Variants in AGR2 observed in about 807,000 individuals in gnomAD.
The protein encoded by AGR2 is anterior gradient 2, protein disulphide isomerase family member, also known as anterior gradient protein 2 homolog.
A neutral mutation model predicts 25.9 loss-of-function variants in AGR2; 27 were observed. The ratio of observed to expected loss-of-function variants is 1.04; its 90% CI spans 0.77 to 1.44. The LOEUF (loss-of-function observed/expected upper bound fraction) is 1.44, where lower values mean the gene tolerates loss of function less well. Ranked by LOEUF, AGR2 falls within the 40% of genes most tolerant of loss-of-function variation. The probability of loss-of-function intolerance (pLI) is 0.00; values close to 1 mark genes in which losing one functional copy is unlikely to be tolerated. For missense variants in AGR2, 182 were observed against 200.9 expected (o/e 0.91, Z 0.57); for synonymous variants, 78 against 72.0 (o/e 1.08, Z -0.42).
chr7:16,801,428 G>A (rs1785140941), intron 2 of AGR2, 45 bp from the exon 3 acceptor site: 1 of 1,569,406 alleles, frequency 6.4e-7, no homozygotes, highest in Admixed American at 1.7e-5. Context: ...TATAAATTCA[G>A]ACCCAAAGCT....
In AGR2 at chr7:16,801,178, G is replaced by A; in HGVS notation, c.229C>T (p.His77Tyr). ...TSNKPLMIIH[H>Y]LDECPHSQAL... ...TGACTGTGTGGGCACTCATCCAAGT[G>A]ATGAATAATCATCAAGGGTTTGTTG... Residue 77 changes from histidine (H) to tyrosine (Y), a missense_variant, in exon 4 of 8, where the codon CAC becomes TAC. Coordinates refer to ENST00000419304, the MANE Select transcript of AGR2 (RefSeq NM_006408.4). 1 of 1,613,902 alleles carries A rather than the reference G, an allele frequency of 6.2e-7. No homozygotes were observed. The highest frequency in any genetic ancestry group is 1.1e-5 in the South Asian group (1 of 91,068).
At chr7:16,797,837 G>C (rs1457650218) in intron 5 of AGR2, 143 bp from the exon 6 acceptor site, 1 of 616,628 alleles carries the variant, frequency 1.6e-6, no homozygotes, top group African/African-American at 1.8e-5. Flanking sequence ...GTACAGATGA[G>C]GAGACAAGTT....
In AGR2 at chr7:16,797,694, A is replaced by G. The variant is rs571596748; in HGVS notation, c.331T>C (p.Tyr111His). The change falls in exon 6 of 8, where the codon TAT becomes CAT. Residue 111 changes from tyrosine to histidine, a missense_variant and splice_region_variant. Coordinates refer to ENST00000419304, the MANE Select transcript of AGR2 (RefSeq NM_006408.4). The stretch of plus-strand genomic sequence containing the variant: ...GAAAGGTGTTTGTCAGTTGTTTCAT[A>G]CTAAAATAAAAAGAAAAGCATCTTT... ...AEQFVLLNLV[Y>H]ETTDKHLSPD... 5 of 1,612,978 alleles carry G rather than the reference A, an allele frequency of 3.1e-6. No individual in the cohort carries two copies. The South Asian group carries it at 5.5e-5, about 18-fold the overall frequency.
At chr7:16,798,350 G>A (rs1470999880) in intron 5 of AGR2, among the ~76,000 whole-genome samples, 2 of 152,186 alleles carry the variant, frequency 1.3e-5, no homozygotes, top group Non-Finnish European at 2.9e-5. Context: ...CATGCAGGGG[G>A]AAGAGTATGG....
intron 5 of AGR2, among the ~76,000 whole-genome samples, chr7:16,799,053 G>T (rs557072251): frequency 2.6e-5 from 4 of 152,236 alleles, no homozygotes; most frequent in South Asian, 2.1e-4. Flanking sequence ...AAAGAGAAAA[G>T]GGTCAAGTAG....
At chr7:16,793,048 T>TA in intron 7 of AGR2, 91 bp from the exon 8 acceptor site, 1 of 1,248,056 alleles carries the variant, frequency 8.0e-7, no homozygotes, top group Admixed American at 1.8e-5. Context: ...ATTCATTATT[T>TA]AATGGGATGC....
At position 16,795,028 on chromosome 7, in the gene AGR2, A is replaced by G. The variant is rs1785020927; in HGVS notation, c.395-9T>C. 1 of 1,613,960 alleles carries G rather than the reference A, an allele frequency of 6.2e-7. No individual in the cohort carries two copies. Among genetic ancestry groups the G allele is most frequent in the Non-Finnish European group, 8.5e-7 (1 of 1,179,794 alleles). Reference sequence around the variant, plus strand: ...AACTGTCAGAGATGGGTCTGCAAAGATAAATGAAGCAAAAGGGAATGGAAT... The same window carrying G: ...AACTGTCAGAGATGGGTCTGCAAAGGTAAATGAAGCAAAAGGGAATGGAAT... On this transcript the variant is annotated splice_polypyrimidine_tract_variant and intron_variant, in intron 6 of 7. Transcript: ENST00000419304.
intron 6 of AGR2, 116 bp downstream of exon 6, chr7:16,797,515 A>C: frequency 9.2e-6 from 7 of 762,878 alleles, no homozygotes; most frequent in Admixed American, 2.5e-5. Flanking sequence ...GCTCCTTGCT[A>C]GAGCTTAGTG....
At chr7:16,795,485 T>A (rs540034568) in intron 6 of AGR2, among the ~76,000 whole-genome samples, 10 of 152,260 alleles carry the variant, frequency 6.6e-5, no homozygotes, top group South Asian at 6.2e-4. Flanking sequence ...GGAATGCAAG[T>A]CCTTAACAAC....
intron 2 of AGR2, 32 bp downstream of exon 2, chr7:16,801,626 C>T: frequency 1.9e-6 from 3 of 1,613,238 alleles, no homozygotes; most frequent in East Asian, 4.5e-5. Flanking sequence ...AATTAAGTAG[C>T]AGTTGGAAGC....
Position 16,792,608 on chromosome 7 carries a change from A to G in AGR2, c.*300T>C. 2.9e-6 allele frequency: 1 copy of G among 342,502 alleles called. No homozygotes were observed. The highest frequency in any genetic ancestry group is 5.4e-6 in the Non-Finnish European group (1 of 185,632). The allele number at this position is 342,502 out of a possible 1,614,324, so 21.2% of individuals were successfully genotyped here. On this transcript the variant is annotated 3_prime_UTR_variant, in exon 8 of 8. Transcript: ENST00000419304. ...GAGCATTTTGTGTGTGTTTAATCCT[A>G]TTTGGTAAACGAACCACTGTGAAAG...
At chr7:16,803,425 A>G (rs1785182486) in intron 1 of AGR2, among the ~76,000 whole-genome samples, 1 of 152,236 alleles carries the variant, frequency 6.6e-6, no homozygotes, top group Admixed American at 6.5e-5. Context: ...AATGAAGTCA[A>G]ATAAACTCTG....
In AGR2 at chr7:16,798,558, C is replaced by A. The variant is rs76439510; in HGVS notation, c.331-864G>T. On this transcript the variant is annotated intron_variant, in intron 5 of 7. Transcript: ENST00000419304. ...ACCACTGGAGGGATGTTAGAAGAGG[C>A]ACTGTGACCCCAGTTTGGTCTGTAA... is the stretch of plus-strand genomic sequence containing the variant. Among the ~76,000 whole-genome samples the A allele has an allele frequency of 5.3e-3, 803 of 152,272 alleles. 6 individuals carry two copies. Among genetic ancestry groups the A allele is most frequent in the African/African-American group, 0.018 (768 of 41,522 alleles).
At chr7:16,797,770 T>C in intron 5 of AGR2, 76 bp from the exon 6 acceptor site, 1 of 1,229,512 alleles carries the variant, frequency 8.1e-7, no homozygotes, top group Non-Finnish European at 1.2e-6. Context: ...TACAAGAATC[T>C]GTCCATTTCC....
At chr7:16,801,041 T>G in intron 4 of AGR2, 110 bp downstream of exon 4, 4 of 745,556 alleles carry the variant, frequency 5.4e-6, no homozygotes, top group Non-Finnish European at 8.6e-6. Flanking sequence ...ATATAAAATA[T>G]TCTTTCTTTA....
Position 16,801,640 on chromosome 7 carries a change from C to T in AGR2, c.139+18G>A. The T allele has an allele frequency of 6.2e-7, 1 of 1,613,776 alleles. No individual in the cohort carries two copies. Among genetic ancestry groups the T allele is most frequent in the Non-Finnish European group, 8.5e-7 (1 of 1,179,942 alleles). On this transcript the variant is annotated intron_variant, in intron 2 of 7. Coordinates refer to ENST00000419304, the MANE Select transcript of AGR2 (RefSeq NM_006408.4). ...CAATTAAGTAGCAGTTGGAAGCCAA[C>T]AAGAAGCTGACTCCTACCTCTGGAG...
In AGR2 at chr7:16,804,267, TAC is replaced by T. The variant is rs113991647; in HGVS notation, c.-8+666_-8+667del. ...ATTTGGAGACACACACAGACATAGG[TAC>T]ACACACACACACACACACACACACA... On this transcript the variant is annotated intron_variant, in intron 1 of 7. Transcript: ENST00000419304. 8.3e-3 allele frequency among the ~76,000 whole-genome samples: 889 copies of T among 107,076 alleles called. 2 individuals are homozygous for T. Among genetic ancestry groups the T allele is most frequent in the Middle Eastern group, 0.021 (4 of 188 alleles). The allele number at this position is 107,076 out of a possible 152,430, so 70.2% of individuals were successfully genotyped here.
intron 2 of AGR2, 71 bp downstream of exon 2, chr7:16,801,587 T>G (rs1370945063): frequency 1.3e-6 from 2 of 1,591,988 alleles, no homozygotes; most frequent in Non-Finnish European, 1.7e-6. Context: ...GAACCAGGTT[T>G]AAGCACCAAG....
intron 5 of AGR2, among the ~76,000 whole-genome samples, chr7:16,798,431 G>A (rs1275836186): frequency 6.6e-6 from 1 of 152,178 alleles, no homozygotes; most frequent in East Asian, 1.9e-4. Context: ...GATGCACGAG[G>A]GCAGTGGCGA....
Sources: allele counts gnomAD v4.1 joint callset (sites outside exome capture counted in the v4.1 genomes callset), GRCh38; gene constraint gnomAD v4.1.1; transcripts MANE v1.5; gene names NCBI Gene and HGNC (gene_info 2026-07-23, HGNC 2026-07-21).